Variants in ZC3H12B observed in about 807,000 individuals in gnomAD.
The protein encoded by ZC3H12B is probable ribonuclease ZC3H12B.
In ZC3H12B, 7 loss-of-function variants were observed where a neutral mutation model predicts 43.9. That is an observed-to-expected ratio of 0.16 (90% confidence interval 0.09 to 0.30). The LOEUF (loss-of-function observed/expected upper bound fraction) is 0.30. Among genes scored for constraint, ZC3H12B ranks in the 10% least tolerant of loss-of-function variants. The pLI is 1.00. For missense variants in ZC3H12B, 475 were observed against 670.2 expected (o/e 0.71, Z 3.22); for synonymous variants, 222 against 241.7 (o/e 0.92, Z 0.76).
the ZC3H12B span, among the ~76,000 whole-genome samples, chrX:65,086,329 A>G: frequency 9.0e-6 from 1 of 110,664 alleles, no homozygotes. Context: ...TATTTTCCTT[A>G]ATATATTTAC....
chrX:65,117,178 A>G, the ZC3H12B span, among the ~76,000 whole-genome samples: 5 of 111,879 alleles, frequency 4.5e-5, no homozygotes, highest in Non-Finnish European at 9.4e-5. Context: ...TCCCATGAAC[A>G]ATGTAAAAGT....
the ZC3H12B span, among the ~76,000 whole-genome samples, chrX:65,217,280 G>T: frequency 3.7e-4 from 41 of 112,053 alleles, no homozygotes; most frequent in Admixed American, 3.0e-3. Context: ...GGAACCACAG[G>T]CGTAGGTTAA....
the ZC3H12B span, among the ~76,000 whole-genome samples, chrX:65,231,168 A>G: frequency 9.0e-6 from 1 of 111,032 alleles, no homozygotes; most frequent in African/African-American, 3.3e-5. Context: ...CCGAGCCACA[A>G]AACCAGCAAG....
chrX:65,443,399 C>T (rs931827947), intron 3 of ZC3H12B, among the ~76,000 whole-genome samples: 3 of 111,110 alleles, frequency 2.7e-5, no homozygotes, highest in Non-Finnish European at 5.7e-5. Context: ...AACCCAGAGG[C>T]GCTAGAGGAA....
chrX:65,059,000 A>G, the ZC3H12B span, among the ~76,000 whole-genome samples: 1 of 111,673 alleles, frequency 9.0e-6, no homozygotes, highest in South Asian at 3.8e-4. Context: ...TAGGAAAGGG[A>G]ATTCCCTGAC....
chrX:65,139,337 G>C, the ZC3H12B span, among the ~76,000 whole-genome samples: 1 of 112,115 alleles, frequency 8.9e-6, no homozygotes, highest in Admixed American at 9.5e-5. Context: ...ACCATTTATG[G>C]AGGAGATTTT....
chrX:65,281,855 C>T, the ZC3H12B span, among the ~76,000 whole-genome samples: 1 of 111,665 alleles, frequency 9.0e-6, no homozygotes, highest in African/African-American at 3.3e-5. Context: ...TTCTGCACAG[C>T]AAAGGAGACA....
intron 2 of ZC3H12B, among the ~76,000 whole-genome samples, chrX:65,389,811 A>T: frequency 8.9e-6 from 1 of 112,515 alleles, no homozygotes; most frequent in Non-Finnish European, 1.9e-5. Context: ...TGTTGGTGGG[A>T]CTGTAATCTA....
At chrX:65,222,432 T>C in the ZC3H12B span, among the ~76,000 whole-genome samples, 1 of 110,064 alleles carries the variant, frequency 9.1e-6, no homozygotes, top group Non-Finnish European at 1.9e-5. Flanking sequence ...TGATGACATG[T>C]ATTTAAAAAT....
chrX:65,324,916 T>C, the ZC3H12B span, among the ~76,000 whole-genome samples: 1 of 110,867 alleles, frequency 9.0e-6, no homozygotes, highest in Admixed American at 9.7e-5. Flanking sequence ...ACTCTTATTG[T>C]ATTGCAATCT....
chrX:65,099,493 G>T, the ZC3H12B span, among the ~76,000 whole-genome samples: 1 of 111,639 alleles, frequency 9.0e-6, no homozygotes, highest in African/African-American at 3.3e-5. Flanking sequence ...CTGGCACCAG[G>T]CCAGTGCCAC....
intron 3 of ZC3H12B, among the ~76,000 whole-genome samples, chrX:65,406,108 T>C (rs984886111): frequency 5.4e-5 from 6 of 110,871 alleles, no homozygotes; most frequent in African/African-American, 2.0e-4. Context: ...TTGCGAAAAA[T>C]AGAAGAACAG....
chrX:65,308,754 C>A, the ZC3H12B span, among the ~76,000 whole-genome samples: 1 of 111,736 alleles, frequency 8.9e-6, no homozygotes, highest in Non-Finnish European at 1.9e-5. Flanking sequence ...CACTCCTCAG[C>A]AAATGTAAAA....
chrX:65,099,523 A>T, the ZC3H12B span, among the ~76,000 whole-genome samples: 1 of 111,773 alleles, frequency 8.9e-6, no homozygotes, highest in African/African-American at 3.3e-5. Context: ...AAGCTTCCAG[A>T]GGAAGGAGTA....
chrX:65,298,799 A>T, the ZC3H12B span, among the ~76,000 whole-genome samples: 1 of 112,194 alleles, frequency 8.9e-6, no homozygotes, highest in Non-Finnish European at 1.9e-5. Flanking sequence ...CTCACAGTTC[A>T]ACATAGCTGC....
the ZC3H12B span, among the ~76,000 whole-genome samples, chrX:65,118,136 T>C: frequency 2.1e-4 from 23 of 111,661 alleles, no homozygotes; most frequent in South Asian, 6.3e-3. Flanking sequence ...GCATTGAATC[T>C]ATAAATTACC....
intron 3 of ZC3H12B, among the ~76,000 whole-genome samples, chrX:65,410,945 C>A (rs745659871): frequency 5.4e-5 from 6 of 112,132 alleles, no homozygotes; most frequent in Admixed American, 9.4e-5. Context: ...ACCCAGCAAT[C>A]CCACTGCAGA....
intron 2 of ZC3H12B, among the ~76,000 whole-genome samples, chrX:65,382,096 G>A (rs970306817): frequency 4.5e-5 from 5 of 111,661 alleles, no homozygotes; most frequent in African/African-American, 1.3e-4. Flanking sequence ...TCCCTAATTC[G>A]TTTTATGAGG....
the ZC3H12B span, among the ~76,000 whole-genome samples, chrX:65,102,824 T>G: frequency 9.0e-6 from 1 of 111,455 alleles, no homozygotes; most frequent in Non-Finnish European, 1.9e-5. Flanking sequence ...AGACATCACA[T>G]GTCGGCAGGT....
Sources: gnomAD v4.1 joint callset for allele counts (sites outside exome capture counted in the v4.1 genomes callset) on GRCh38, gnomAD v4.1.1 for gene constraint, MANE v1.5 for transcripts, NCBI Gene and HGNC (gene_info 2026-07-23, HGNC 2026-07-21) for gene names.